The following ACTR3C variants were observed in gnomAD, a reference collection of about 807,000 sequenced individuals.
The protein encoded by ACTR3C is actin-related protein 3C.
Under a neutral mutation model 26.3 loss-of-function variants are expected in ACTR3C, and 18 were observed. The observed-to-expected ratio is 0.68, with a 90% confidence interval of 0.47 to 1.01. The LOEUF (loss-of-function observed/expected upper bound fraction) is 1.01. ACTR3C is among the 50% of genes least tolerant of loss of function. ACTR3C has a pLI of 0.00. For synonymous variants in ACTR3C, 55 were observed against 94.5 expected (o/e 0.58, Z 2.42); for missense variants, 184 against 250.7 (o/e 0.73, Z 1.80).
the ACTR3C span, among the ~76,000 whole-genome samples, chr7:150,016,566 T>C: frequency 1.3e-5 from 2 of 152,034 alleles, no homozygotes. Flanking sequence ...ATATTTCCAC[T>C]GCATGTTTCA....
chr7:150,274,812 A>C lies in ACTR3C; in HGVS notation c.564+9941T>G, dbSNP rs568059498. On this transcript the variant is annotated intron_variant, in intron 6 of 7. Transcript: ENST00000683684. This position sits in a 1 kb window ranked among gnomAD's most constrained non-coding sequence, Gnocchi z 4.1. ...CAAAAGCCAAAAGCCAATATGATCG[A>C]TTCTAAAAAAAACACTTAATTCAGA... 3.0e-4 allele frequency among the ~76,000 whole-genome samples: 45 copies of C among 152,346 alleles called. No individual in the cohort carries two copies. The highest frequency in any genetic ancestry group is 1.0e-3 in the African/African-American group (43 of 41,586).
At chr7:150,098,228 A>T in the ACTR3C span, among the ~76,000 whole-genome samples, 1 of 151,724 alleles carries the variant, frequency 6.6e-6, no homozygotes, top group African/African-American at 2.4e-5. Context: ...ATTCTGCAGG[A>T]ATTCTTGTCG....
the ACTR3C span, chr7:150,000,862 A>AGCTGTAGC: frequency 7.3e-6 from 1 of 137,672 alleles, no homozygotes; most frequent in Non-Finnish European, 1.6e-5. Flanking sequence ...CAGCTCCCAG[A>AGCTGTAGC]GTGAAAGGGA....
At chr7:149,990,754 C>T in the ACTR3C span, among the ~76,000 whole-genome samples, 231 of 152,028 alleles carry the variant, frequency 1.5e-3, no homozygotes, top group Middle Eastern at 6.8e-3. Flanking sequence ...GAAACAAGGG[C>T]GCATAGGCAG....
At chr7:149,944,541 T>C in the ACTR3C span, among the ~76,000 whole-genome samples, 31,553 of 146,044 alleles carry the variant, frequency 0.22, 5,458 homozygotes, top group African/African-American at 0.49. Context: ...AGAGCACCTG[T>C]TCTCTCCATC....
chr7:149,987,927 A>G, the ACTR3C span, among the ~76,000 whole-genome samples: 1 of 152,236 alleles, frequency 6.6e-6, no homozygotes, highest in African/African-American at 2.4e-5. Flanking sequence ...TTAAAAAAGA[A>G]AAAGAACATT....
At chr7:150,296,461 C>T (rs940293860) in intron 1 of ACTR3C, among the ~76,000 whole-genome samples, 1 of 152,044 alleles carries the variant, frequency 6.6e-6, no homozygotes, top group Non-Finnish European at 1.5e-5. Context: ...AAAACAATAA[C>T]CATCATCAAA....
chr7:149,985,207 A>AACACACACACACAC, the ACTR3C span, among the ~76,000 whole-genome samples: 116 of 130,846 alleles, frequency 8.9e-4, 1 homozygote, highest in East Asian at 4.1e-3. Flanking sequence ...CAAACAAAGC[A>AACACACACACACAC]ACACACACAC....
At chr7:150,055,046 A>G in the ACTR3C span, among the ~76,000 whole-genome samples, 2 of 152,258 alleles carry the variant, frequency 1.3e-5, no homozygotes, top group East Asian at 3.8e-4. Flanking sequence ...AGAAACCACT[A>G]GCTTGCAAAT....
In ACTR3C at chr7:150,314,754, G is replaced by A. The variant is rs1166769418; in HGVS notation, c.-52+8715C>T. On this transcript the variant is annotated intron_variant, in intron 1 of 7. Coordinates refer to ENST00000683684, the MANE Select transcript of ACTR3C (RefSeq NM_001164458.2). ...GCCCAAGACCAGCCTGAGCAACATGGCAAAATCCCATCTCTCCAAAAAAAA... is the reference window on the plus strand; with the variant it reads ...GCCCAAGACCAGCCTGAGCAACATGACAAAATCCCATCTCTCCAAAAAAAA... 1.4e-4 allele frequency among the ~76,000 whole-genome samples: 20 copies of A among 143,738 alleles called. No individual in the cohort carries two copies. In the South Asian group the frequency reaches 2.8e-3, roughly 20 times the overall value. 94.3% of individuals were successfully genotyped at this position (143,738 alleles called of 152,430 possible). A position where few individuals can be genotyped will look rare whatever the true frequency, so the allele number is the denominator to read the frequency against.
the ACTR3C span, among the ~76,000 whole-genome samples, chr7:150,035,284 G>T: frequency 3.2e-5 from 2 of 62,508 alleles, 1 homozygote. Context: ...CTGCCTCGTG[G>T]AGAGTGCCTC....
chr7:150,046,353 C>T, the ACTR3C span, among the ~76,000 whole-genome samples: 5 of 68,514 alleles, frequency 7.3e-5, no homozygotes, highest in Admixed American at 1.3e-4. Flanking sequence ...CACCGCCCCC[C>T]CCCCCCCGAC....
chr7:150,211,507 G>A, the ACTR3C span, among the ~76,000 whole-genome samples: 23 of 151,402 alleles, frequency 1.5e-4, no homozygotes, highest in Non-Finnish European at 3.1e-4. Flanking sequence ...TCTTGAACTC[G>A]TGGACTCAAA....
chr7:150,055,691 C>G, the ACTR3C span, among the ~76,000 whole-genome samples: 293 of 152,306 alleles, frequency 1.9e-3, no homozygotes, highest in Non-Finnish European at 3.2e-3. Flanking sequence ...CATACCACAA[C>G]TGTTGTGGCT....
At chr7:150,200,084 GA>G in the ACTR3C span, among the ~76,000 whole-genome samples, 1 of 152,160 alleles carries the variant, frequency 6.6e-6, no homozygotes, top group South Asian at 2.1e-4. Flanking sequence ...TAATTTCTAG[GA>G]AGACAATTCT....
At chr7:149,996,644 A>T in the ACTR3C span, among the ~76,000 whole-genome samples, 2 of 151,936 alleles carry the variant, frequency 1.3e-5, no homozygotes, top group Non-Finnish European at 2.9e-5. Flanking sequence ...ATTTTGCTCT[A>T]TTATAATCTA....
chr7:150,208,923 A>C, the ACTR3C span, among the ~76,000 whole-genome samples: 1 of 152,170 alleles, frequency 6.6e-6, no homozygotes, highest in South Asian at 2.1e-4. Flanking sequence ...AAAATGTTCA[A>C]TGAAGACATG....
At chr7:149,972,448 T>C in the ACTR3C span, among the ~76,000 whole-genome samples, 3 of 152,336 alleles carry the variant, frequency 2.0e-5, no homozygotes, top group South Asian at 6.2e-4. Flanking sequence ...CCCACAGTGC[T>C]GGTGCAGGCT....
At chr7:150,283,812 G>A (rs529063538) in intron 6 of ACTR3C, among the ~76,000 whole-genome samples, 3 of 150,456 alleles carry the variant, frequency 2.0e-5, no homozygotes, top group South Asian at 2.1e-4. Context: ...TGAGTAAGGC[G>A]AGTGAGTCAT....
Sources: gnomAD v4.1 joint callset for allele counts (sites outside exome capture counted in the v4.1 genomes callset) on GRCh38, gnomAD v4.1.1 for gene constraint, Gnocchi (gnomAD v3.1) non-coding constraint, MANE v1.5 for transcripts, NCBI Gene and HGNC (gene_info 2026-07-23, HGNC 2026-07-21) for gene names.